SCFD2: variants seen among roughly 807,000 people sequenced by gnomAD.
The protein encoded by SCFD2 is sec1 family domain-containing protein 2.
SCFD2 carries 54 observed loss-of-function variants against 58.9 expected under a neutral mutation model. The observed-to-expected ratio is 0.92, with a 90% CI of 0.74 to 1.15. The LOEUF (loss-of-function observed/expected upper bound fraction) is 1.15. SCFD2 is among the 50% of genes most tolerant of loss of function. The pLI is 0.00. For missense variants in SCFD2, 805 were observed against 836.6 expected (o/e 0.96, Z 0.47); for synonymous variants, 321 against 335.9 (o/e 0.96, Z 0.49).
intron 4 of SCFD2, among the ~76,000 whole-genome samples, chr4:53,238,726 C>T (rs28408751): frequency 0.09 from 12,949 of 143,912 alleles, 379 homozygotes; most frequent in African/African-American, 0.17. Context: ...CCAGACGGGG[C>T]GGCGGGGCAG....
chr4:52,901,167 C>T (rs1719188863), intron 7 of SCFD2, among the ~76,000 whole-genome samples: 1 of 152,226 alleles, frequency 6.6e-6, no homozygotes, highest in Non-Finnish European at 1.5e-5. Flanking sequence ...CGCTGTCCGG[C>T]ATTCCCTCGT....
At chr4:53,140,410 T>TATATATATATATATATATATATATATAA (rs1560353881) in intron 5 of SCFD2, among the ~76,000 whole-genome samples, 4 of 142,776 alleles carry the variant, frequency 2.8e-5, no homozygotes, top group African/African-American at 1.0e-4. Flanking sequence ...TATATATATA[T>TATATATATATATATATATATATATATAA]ATAAATTTTA....
intron 8 of SCFD2, among the ~76,000 whole-genome samples, chr4:52,883,997 T>C (rs532324002): frequency 3.2e-4 from 48 of 152,136 alleles, no homozygotes; most frequent in Non-Finnish European, 5.3e-4. Flanking sequence ...TGGCTTAACC[T>C]GGTAGCTCAG....
At chr4:53,276,166 A>G (rs1731320927) in intron 3 of SCFD2, among the ~76,000 whole-genome samples, 1 of 151,430 alleles carries the variant, frequency 6.6e-6, no homozygotes, top group Admixed American at 6.6e-5. Context: ...ACTCTTATCA[A>G]ACATATCAGA....
At chr4:53,080,956 T>C (rs1324098704) in intron 5 of SCFD2, among the ~76,000 whole-genome samples, 1 of 152,148 alleles carries the variant, frequency 6.6e-6, no homozygotes, top group Non-Finnish European at 1.5e-5. Flanking sequence ...ATGTTAAAAT[T>C]GGAAAAAAAT....
At chr4:53,133,698 T>C (rs1377287772) in intron 5 of SCFD2, among the ~76,000 whole-genome samples, 6 of 152,210 alleles carry the variant, frequency 3.9e-5, no homozygotes, top group African/African-American at 1.4e-4. Context: ...CTTTGGAAAC[T>C]AGAGCTAAAG....
At chr4:53,235,411 T>C (rs1017284868) in intron 4 of SCFD2, among the ~76,000 whole-genome samples, 1 of 152,180 alleles carries the variant, frequency 6.6e-6, no homozygotes, top group African/African-American at 2.4e-5. Context: ...CCAATTCCCA[T>C]GAGTGGGAAG....
chr4:52,916,765 G>A (rs917616500), intron 6 of SCFD2, among the ~76,000 whole-genome samples: 4 of 152,184 alleles, frequency 2.6e-5, no homozygotes, highest in African/African-American at 9.6e-5. Context: ...TGTAGCCCAT[G>A]TCCTAACAAA....
At chr4:53,288,404 A>G (rs986886689) in intron 3 of SCFD2, among the ~76,000 whole-genome samples, 10 of 152,156 alleles carry the variant, frequency 6.6e-5, no homozygotes, top group Admixed American at 4.6e-4. Context: ...ATGAAACTAT[A>G]AAGTCCCCAA....
intron 5 of SCFD2, among the ~76,000 whole-genome samples, chr4:52,940,218 C>T (rs369146552): frequency 6.6e-6 from 1 of 152,322 alleles, no homozygotes; most frequent in South Asian, 2.1e-4. Context: ...TGAGGAACCT[C>T]AGGTGCTGTA....
At chr4:53,188,912 C>A (rs888611124) in intron 4 of SCFD2, among the ~76,000 whole-genome samples, 1 of 152,064 alleles carries the variant, frequency 6.6e-6, no homozygotes, top group Non-Finnish European at 1.5e-5. Flanking sequence ...ATAATAGCAC[C>A]CAGTTTTTAT....
intron 3 of SCFD2, among the ~76,000 whole-genome samples, chr4:53,274,268 A>G (rs1038710232): frequency 2.0e-5 from 3 of 152,206 alleles, no homozygotes; most frequent in African/African-American, 7.2e-5. Flanking sequence ...AATTCATTTT[A>G]TCATTATGTA....
At chr4:52,925,018 C>A (rs1345152799) in intron 5 of SCFD2, among the ~76,000 whole-genome samples, 1 of 152,134 alleles carries the variant, frequency 6.6e-6, no homozygotes, top group Admixed American at 6.5e-5. Flanking sequence ...ATGCTAGAAA[C>A]TATTCTAAGA....
intron 4 of SCFD2, among the ~76,000 whole-genome samples, chr4:53,249,469 A>C (rs978940463): frequency 1.3e-5 from 2 of 152,140 alleles, no homozygotes; most frequent in African/African-American, 2.4e-5. Flanking sequence ...CACAAAGATA[A>C]TCCTTGAGAA....
At chr4:53,268,224 C>T (rs1056704025) in intron 4 of SCFD2, among the ~76,000 whole-genome samples, 4 of 151,836 alleles carry the variant, frequency 2.6e-5, no homozygotes, top group Non-Finnish European at 4.4e-5. Flanking sequence ...GGGACAGTCT[C>T]GCAGGGGTTG....
intron 4 of SCFD2, among the ~76,000 whole-genome samples, chr4:53,201,642 C>T (rs901250342): frequency 1.3e-5 from 2 of 152,158 alleles, no homozygotes; most frequent in South Asian, 2.1e-4. Flanking sequence ...GTCCCACCAA[C>T]AGTGTAAAAG....
intron 5 of SCFD2, among the ~76,000 whole-genome samples, chr4:53,074,924 T>C (rs1723927402): frequency 6.6e-6 from 1 of 152,150 alleles, no homozygotes; most frequent in African/African-American, 2.4e-5. Flanking sequence ...CAAGCTGCAT[T>C]AGCCCCTTGA....
At chr4:53,156,541 C>T (rs1480092374) in intron 4 of SCFD2, among the ~76,000 whole-genome samples, 4 of 151,476 alleles carry the variant, frequency 2.6e-5, no homozygotes, top group Non-Finnish European at 4.4e-5. Flanking sequence ...ACTAAAAATA[C>T]AAAAAAATTA....
At chr4:53,255,979 C>G (rs1267635258) in intron 4 of SCFD2, among the ~76,000 whole-genome samples, 1 of 149,092 alleles carries the variant, frequency 6.7e-6, no homozygotes, top group Non-Finnish European at 1.5e-5. Context: ...CTGACCCCCC[C>G]ACCTCCCTCC....
Sources: gnomAD v4.1 joint callset for allele counts (sites outside exome capture counted in the v4.1 genomes callset) on GRCh38, gnomAD v4.1.1 for gene constraint, MANE v1.5 for transcripts, NCBI Gene and HGNC (gene_info 2026-07-23, HGNC 2026-07-21) for gene names.